The following MCUB variants were observed in gnomAD, a reference collection of about 807,000 sequenced individuals.
MCUB encodes the protein mitochondrial calcium uniporter dominant negative subunit beta.
In MCUB, 46 loss-of-function variants were observed where a neutral mutation model predicts 41.4. That is an observed-to-expected ratio of 1.11 (90% CI 0.88 to 1.42). The LOEUF is 1.42. MCUB is among the 40% of genes most tolerant of loss of function. The pLI is 0.00. For synonymous variants in MCUB, 148 were observed against 148.2 expected, an observed-to-expected ratio of 1.00 and a Z score of 0.01; for missense variants, 403 against 404.9, an observed-to-expected ratio of 1.00 and a Z score of 0.04.
At chr4:109,659,899 C>G (rs1363069141) in intron 2 of MCUB, among the ~76,000 whole-genome samples, 2 of 152,172 alleles carry the variant, frequency 1.3e-5, no homozygotes, top group Non-Finnish European at 2.9e-5. Flanking sequence ...CTCAGGCAGT[C>G]CACCAATCTG....
chr4:109,594,013 C>T (rs1338036412), intron 1 of MCUB, among the ~76,000 whole-genome samples: 5 of 152,102 alleles, frequency 3.3e-5, no homozygotes, highest in African/African-American at 1.2e-4. Flanking sequence ...TTGACTTGTT[C>T]CTTGACATGA....
At chr4:109,641,728 A>G (rs1205457447) in intron 1 of MCUB, among the ~76,000 whole-genome samples, 1 of 152,220 alleles carries the variant, frequency 6.6e-6, no homozygotes, top group African/African-American at 2.4e-5. Flanking sequence ...GGCATTGTAT[A>G]CTGCCATTTC....
intron 1 of MCUB, among the ~76,000 whole-genome samples, chr4:109,592,847 G>A (rs1460074738): frequency 6.6e-6 from 1 of 152,136 alleles, no homozygotes; most frequent in Non-Finnish European, 1.5e-5. Flanking sequence ...ACACCAGCAA[G>A]TTCTCTCATG....
At chr4:109,594,203 G>A (rs77936614) in intron 1 of MCUB, among the ~76,000 whole-genome samples, 3,790 of 152,316 alleles carry the variant, frequency 0.025, 116 homozygotes, top group South Asian at 0.074. Flanking sequence ...ATGGAATACA[G>A]TCTACGTGGA....
At chr4:109,561,228 T>C (rs2126121773) in intron 1 of MCUB, among the ~76,000 whole-genome samples, 1 of 152,302 alleles carries the variant, frequency 6.6e-6, no homozygotes, top group Admixed American at 6.5e-5. Context: ...GTGTGTGTGG[T>C]TGGGGAGGGA....
intron 1 of MCUB, among the ~76,000 whole-genome samples, chr4:109,562,564 T>C (rs1161734522): frequency 6.6e-6 from 1 of 152,254 alleles, no homozygotes; most frequent in Non-Finnish European, 1.5e-5. Context: ...CCACTTGTTA[T>C]GAAATATCCT....
intron 1 of MCUB, among the ~76,000 whole-genome samples, chr4:109,632,396 TACC>T (rs1378549183): frequency 1.3e-5 from 2 of 152,152 alleles, no homozygotes; most frequent in Non-Finnish European, 2.9e-5. Flanking sequence ...ATTTTAGACT[TACC>T]ATTTATTGTT....
intron 1 of MCUB, among the ~76,000 whole-genome samples, chr4:109,600,216 C>T (rs559220170): frequency 6.6e-6 from 1 of 152,262 alleles, no homozygotes; most frequent in African/African-American, 2.4e-5. Context: ...TCTGCCACTA[C>T]CTGTACTACC....
rs562875481 is a variant in MCUB, at chr4:109,675,860, G to A, written c.452-6722G>A. On this transcript the variant is annotated intron_variant, in intron 4 of 7. Coordinates refer to ENST00000394650, the MANE Select transcript of MCUB (RefSeq NM_017918.5). ...CTCTGCCTCCCTTTTGCCATGGGAT[G>A]ATGCAGCAAGAAGGGTCTCACCAAA... Among the ~76,000 whole-genome samples the A allele has an allele frequency of 3.0e-4, 45 of 152,322 alleles. No homozygotes were observed. The South Asian group carries it at 8.5e-3, about 29-fold the overall frequency.
chr4:109,635,824 G>A (rs1006281691), intron 1 of MCUB, among the ~76,000 whole-genome samples: 1 of 152,140 alleles, frequency 6.6e-6, no homozygotes, highest in African/African-American at 2.4e-5. Context: ...CCACTCATCC[G>A]AGCCGTATCA....
chr4:109,571,197 T>C (rs529461827), intron 1 of MCUB, among the ~76,000 whole-genome samples: 1 of 152,346 alleles, frequency 6.6e-6, no homozygotes, highest in South Asian at 2.1e-4. Context: ...TGTATGTTTT[T>C]CCTTCTTTTT....
intron 1 of MCUB, among the ~76,000 whole-genome samples, chr4:109,620,473 A>G (rs1410587522): frequency 6.7e-6 from 1 of 149,848 alleles, no homozygotes; most frequent in African/African-American, 2.5e-5. Flanking sequence ...TGTGCCCTAA[A>G]GAGCCATTTA....
At chr4:109,621,627 G>A (rs751546382) in intron 1 of MCUB, among the ~76,000 whole-genome samples, 13 of 152,156 alleles carry the variant, frequency 8.5e-5, no homozygotes, top group South Asian at 2.1e-4. Flanking sequence ...TACAGTGGCC[G>A]TACACAGAAG....
chr4:109,684,584 A>G lies in MCUB; in HGVS notation c.754A>G (p.Thr252Ala). 1 of 1,604,514 alleles carries G rather than the reference A, an allele frequency of 6.2e-7. No individual in the cohort carries two copies. Among genetic ancestry groups the G allele is most frequent in the African/African-American group, 1.3e-5 (1 of 74,842 alleles). The change falls in exon 6 of 8, where the codon ACA becomes GCA. Residue 252 changes from threonine (T) to alanine (A), a missense_variant. Transcript: ENST00000394650. ...VYSWDIMEPV[T>A]YFITFANSMV... is the part of the protein sequence containing the mutation. Reference sequence around the variant, plus strand: ...CTCCTGGGATATCATGGAGCCAGTTACATACTTCATCACATTTGCAAATTC... The same window carrying G: ...CTCCTGGGATATCATGGAGCCAGTTGCATACTTCATCACATTTGCAAATTC...
At chr4:109,563,213 C>T (rs1331693304) in intron 1 of MCUB, among the ~76,000 whole-genome samples, 1 of 152,128 alleles carries the variant, frequency 6.6e-6, no homozygotes, top group Non-Finnish European at 1.5e-5. Context: ...CTGAGAAACT[C>T]CCTGATACGA....
At chr4:109,601,242 G>A (rs1000786749) in intron 1 of MCUB, among the ~76,000 whole-genome samples, 1 of 152,090 alleles carries the variant, frequency 6.6e-6, no homozygotes, top group Admixed American at 6.6e-5. Flanking sequence ...ATCCCCTCAA[G>A]CATTGATTCT....
chr4:109,597,379 C>A (rs1727586473), intron 1 of MCUB, among the ~76,000 whole-genome samples: 1 of 149,814 alleles, frequency 6.7e-6, no homozygotes, highest in African/African-American at 2.4e-5. Flanking sequence ...CCCCACCTCC[C>A]TCCCGGACGG....
At chr4:109,597,356 G>A (rs1240194160) in intron 1 of MCUB, among the ~76,000 whole-genome samples, 439 of 148,826 alleles carry the variant, frequency 2.9e-3, no homozygotes, top group African/African-American at 0.01. Context: ...CTGGCCGGGC[G>A]GGGGGCTGAC....
At chr4:109,654,579 C>T (rs539901387) in intron 1 of MCUB, among the ~76,000 whole-genome samples, 1 of 151,894 alleles carries the variant, frequency 6.6e-6, no homozygotes, top group South Asian at 2.1e-4. Context: ...CCATTGCACT[C>T]CAGCCTGGGC....
Sources: gnomAD v4.1 joint callset for allele counts (sites outside exome capture counted in the v4.1 genomes callset) on GRCh38, gnomAD v4.1.1 for gene constraint, MANE v1.5 for transcripts, NCBI Gene and HGNC (gene_info 2026-07-23, HGNC 2026-07-21) for gene names.